LCLAT1: variants seen among roughly 807,000 people sequenced by gnomAD.
LCLAT1 encodes lysocardiolipin acyltransferase 1, also known as 1-AGP acyltransferase 8.
LCLAT1 carries 11 observed loss-of-function variants against 30.7 expected under a neutral mutation model. The observed-to-expected ratio is 0.36, with a 90% CI of 0.23 to 0.59. The LOEUF is 0.59. LCLAT1 is among the 20% of genes least tolerant of loss of function. LCLAT1 has a pLI of 0.77. For missense variants in LCLAT1, 402 were observed against 458.6 expected, an observed-to-expected ratio of 0.88 and a Z score of 1.13; for synonymous variants, 155 against 151.3, an observed-to-expected ratio of 1.02 and a Z score of -0.18.
chr2:30,561,813 C>G (rs1665237870), intron 3 of LCLAT1, among the ~76,000 whole-genome samples: 1 of 152,000 alleles, frequency 6.6e-6, no homozygotes, highest in Admixed American at 6.5e-5. Context: ...GTTAAAATAT[C>G]TGTTTAGTTA....
chr2:30,578,818 CTT>C (rs1362918083), intron 5 of LCLAT1, among the ~76,000 whole-genome samples: 1 of 152,104 alleles, frequency 6.6e-6, no homozygotes, highest in African/African-American at 2.4e-5. Flanking sequence ...GAATTGAACA[CTT>C]TTTTTCTAGC....
intron 1 of LCLAT1, among the ~76,000 whole-genome samples, chr2:30,455,711 C>T (rs1179529239): frequency 2.0e-5 from 3 of 151,756 alleles, no homozygotes; most frequent in Non-Finnish European, 4.4e-5. Context: ...AGTTGAAGAC[C>T]AGCCTGGGAA....
intron 5 of LCLAT1, among the ~76,000 whole-genome samples, chr2:30,571,509 C>T (rs192706005): frequency 6.6e-6 from 1 of 152,168 alleles, no homozygotes. Context: ...GCTTACTGCA[C>T]AACTAGCTAA....
chr2:30,584,049 G>T (rs1666320754), intron 5 of LCLAT1, among the ~76,000 whole-genome samples: 1 of 151,830 alleles, frequency 6.6e-6, no homozygotes, highest in Admixed American at 6.6e-5. Flanking sequence ...AGCAGGCCCT[G>T]GTGTGTGTTG....
chr2:30,520,512 T>C (rs1685424836), intron 1 of LCLAT1, among the ~76,000 whole-genome samples: 1 of 152,218 alleles, frequency 6.6e-6, no homozygotes, highest in African/African-American at 2.4e-5. Flanking sequence ...TCCAGTTTTG[T>C]TATTTACTAG....
At position 30,558,956 on chromosome 2, in the gene LCLAT1, TATAA is replaced by T. The variant is rs10577542; in HGVS notation, c.365-3184_365-3181del. Among the ~76,000 whole-genome samples the T allele has an allele frequency of 7.1e-3, 1,078 of 152,318 alleles. 48 individuals are homozygous for T. Among genetic ancestry groups the T allele is most frequent in the Admixed American group, 0.065 (994 of 15,294 alleles). On this transcript the variant is annotated intron_variant, in intron 3 of 5. Coordinates refer to ENST00000379509, the MANE Select transcript of LCLAT1 (RefSeq NM_001002257.3). ...ATATACAAGGAATCTTCATAAGAAG[TATAA>T]ATAAACTGTATATTGGTCTACAGTG...
In LCLAT1 at chr2:30,511,185, G is replaced by A. The variant is rs554685391; in HGVS notation, c.-4-14402G>A. Among the ~76,000 whole-genome samples, 22 of 152,282 alleles carry A rather than the reference G, an allele frequency of 1.4e-4. No individual in the cohort carries two copies. In the South Asian group the frequency reaches 2.1e-3, roughly 14 times the overall value. ...TGAACTTTGGGCTTTACTGAGGGGT[G>A]ATTTATGTGGGCTGTTTATTAGGGA... On this transcript the variant is annotated intron_variant, in intron 1 of 5. Transcript: ENST00000379509.
intron 3 of LCLAT1, among the ~76,000 whole-genome samples, chr2:30,541,779 A>C (rs1293216033): frequency 6.6e-6 from 1 of 152,178 alleles, no homozygotes; most frequent in Non-Finnish European, 1.5e-5. Context: ...AATATGGTAA[A>C]TGTGTGTGTA....
At chr2:30,519,719 C>T (rs935353396) in intron 1 of LCLAT1, among the ~76,000 whole-genome samples, 1 of 152,176 alleles carries the variant, frequency 6.6e-6, no homozygotes, top group African/African-American at 2.4e-5. Context: ...CGGGGAGGGA[C>T]AGTGATCAGG....
intron 3 of LCLAT1, among the ~76,000 whole-genome samples, chr2:30,535,159 C>G (rs1402263173): frequency 6.6e-6 from 1 of 151,944 alleles, no homozygotes; most frequent in African/African-American, 2.4e-5. Context: ...TTTCTTCACC[C>G]TAATTTAAAA....
intron 3 of LCLAT1, among the ~76,000 whole-genome samples, chr2:30,560,140 GGATGA>G (rs1185251546): frequency 6.6e-6 from 1 of 152,130 alleles, no homozygotes; most frequent in African/African-American, 2.4e-5. Flanking sequence ...CAATATTGGT[GGATGA>G]GACTGATATT....
At chr2:30,534,230 TG>T (rs1686124149) in intron 3 of LCLAT1, among the ~76,000 whole-genome samples, 1 of 21,242 alleles carries the variant, frequency 4.7e-5, no homozygotes, top group Non-Finnish European at 1.2e-4. Flanking sequence ...TGTGTGTGTG[TG>T]TGTGTGTGTG....
chr2:30,461,353 C>G (rs538930391), intron 1 of LCLAT1, among the ~76,000 whole-genome samples: 1 of 152,128 alleles, frequency 6.6e-6, no homozygotes, highest in Non-Finnish European at 1.5e-5. Flanking sequence ...TCATGTAATG[C>G]CCACCATGGT....
chr2:30,495,248 G>A (rs1256793225), intron 1 of LCLAT1, among the ~76,000 whole-genome samples: 2 of 151,956 alleles, frequency 1.3e-5, no homozygotes, highest in African/African-American at 2.4e-5. Flanking sequence ...CTGTTTATCG[G>A]TGTTCTTTGT....
At chr2:30,468,154 A>G (rs1232522260) in intron 1 of LCLAT1, among the ~76,000 whole-genome samples, 1 of 152,258 alleles carries the variant, frequency 6.6e-6, no homozygotes, top group Non-Finnish European at 1.5e-5. Context: ...AGCTTTCTAC[A>G]TATGGCTAGC....
chr2:30,568,249 A>G (rs2148449686), intron 5 of LCLAT1, 73 bp downstream of exon 5: 3 of 656,978 alleles, frequency 4.6e-6, no homozygotes, highest in Admixed American at 2.9e-5. Context: ...ATAGCCCTTT[A>G]GAGTTTGTAA....
intron 5 of LCLAT1, among the ~76,000 whole-genome samples, chr2:30,624,139 A>G (rs960307849): frequency 3.3e-5 from 5 of 152,166 alleles, no homozygotes; most frequent in Non-Finnish European, 5.9e-5. Context: ...AAAATCCTCA[A>G]AATACACCGA....
At chr2:30,452,644 C>G (rs1681615339) in intron 1 of LCLAT1, among the ~76,000 whole-genome samples, 2 of 152,016 alleles carry the variant, frequency 1.3e-5, no homozygotes, top group African/African-American at 4.8e-5. Flanking sequence ...CTAAGCAGGT[C>G]TCTTTTTCAT....
At chr2:30,602,930 G>T (rs1401767500) in intron 5 of LCLAT1, among the ~76,000 whole-genome samples, 1 of 152,050 alleles carries the variant, frequency 6.6e-6, no homozygotes, top group African/African-American at 2.4e-5. Context: ...AGGAACAGCG[G>T]AACAGTAATT....
Sources: allele counts gnomAD v4.1 joint callset (sites outside exome capture counted in the v4.1 genomes callset), GRCh38; gene constraint gnomAD v4.1.1; transcripts MANE v1.5; gene names NCBI Gene and HGNC (gene_info 2026-07-23, HGNC 2026-07-21).